The following FANCD2 variants were observed in gnomAD, a reference collection of about 807,000 sequenced individuals.
The protein encoded by FANCD2 is FA complementation group D2.
Under a neutral mutation model 192.3 loss-of-function variants are expected in FANCD2, and 131 were observed. That is an observed-to-expected ratio of 0.68 (90% CI 0.59 to 0.79). FANCD2 has a LOEUF of 0.79. Ranked by LOEUF, FANCD2 falls within the 30% of genes least tolerant of loss-of-function variation. The pLI is 0.00. For missense variants in FANCD2, 1,508 were observed against 1,701.6 expected, an observed-to-expected ratio of 0.89 and a Z score of 2.00; for synonymous variants, 524 against 612.5, an observed-to-expected ratio of 0.86 and a Z score of 2.13.
intron 20 of FANCD2, 46 bp from the exon 21 acceptor site, chr3:10,063,746 A>C: frequency 6.2e-7 from 1 of 1,613,210 alleles, no homozygotes; most frequent in South Asian, 1.1e-5. Flanking sequence ...GAGTTTGGGA[A>C]AGATTGGCAG....
chr3:10,101,376 TC>T lies in FANCD2; in HGVS notation c.*115del, dbSNP rs373593572. On this transcript the variant is annotated 3_prime_UTR_variant, in exon 44 of 44. Transcript: ENST00000675286. Reference sequence around the variant, plus strand: ...TACTGGTAGGATCCTTTTTTGTTCCTCTTTTTTTTTTTTTTTTTTTTTTTTT... The same window carrying T: ...TACTGGTAGGATCCTTTTTTGTTCCTTTTTTTTTTTTTTTTTTTTTTTTTT... 4.1e-5 allele frequency: 21 copies of T among 514,616 alleles called. No individual in the cohort carries two copies. Among genetic ancestry groups the T allele is most frequent in the East Asian group, 6.9e-5 (2 of 29,118 alleles). 31.9% of individuals were successfully genotyped at this position (514,616 alleles called of 1,614,324 possible). A position where few individuals can be genotyped will look rare whatever the true frequency, so the allele number is the denominator to read the frequency against.
Position 10,026,482 on chromosome 3 carries a change from G to A in FANCD2, c.-34+9G>A. 4.0e-6 allele frequency: 2 copies of A among 494,400 alleles called. No individual in the cohort carries two copies. Among genetic ancestry groups the A allele is most frequent in the South Asian group, 1.6e-4 (2 of 12,270 alleles). 30.6% of individuals were successfully genotyped at this position (494,400 alleles called of 1,614,324 possible). A position where few individuals can be genotyped will look rare whatever the true frequency, so the allele number is the denominator to read the frequency against. Reference sequence around the variant, plus strand: ...GCGGCGACGGCTTCTCGGTGAGTAAGTGGAGCAATGGTCGTAGTCTCTCGA... The same window carrying A: ...GCGGCGACGGCTTCTCGGTGAGTAAATGGAGCAATGGTCGTAGTCTCTCGA... On this transcript the variant is annotated intron_variant, in intron 1 of 43. Coordinates refer to ENST00000675286, the MANE Select transcript of FANCD2 (RefSeq NM_001018115.3).
At chr3:10,026,867 A>G (rs965115650) in intron 1 of FANCD2, among the ~76,000 whole-genome samples, 3 of 152,234 alleles carry the variant, frequency 2.0e-5, no homozygotes, top group South Asian at 2.1e-4. Context: ...GGCGATAAAT[A>G]AAAAGTTTAG....
chr3:10,090,254 A>T, intron 36 of FANCD2, 38 bp from the exon 37 acceptor site: 1 of 1,473,388 alleles, frequency 6.8e-7, no homozygotes, highest in Non-Finnish European at 9.5e-7. Flanking sequence ...TAAGCAGTGC[A>T]TCATGGTGTG....
At position 10,030,633 on chromosome 3, in the gene FANCD2, C is replaced by T. The variant is rs138183965; in HGVS notation, c.64+1912C>T. Among the ~76,000 whole-genome samples the T allele has an allele frequency of 4.6e-5, 7 of 152,306 alleles. No homozygotes were observed. The East Asian group carries it at 1.3e-3, about 29-fold the overall frequency. ...GGAAACTGTGGGCCGGGCACAGTGG[C>T]TCACACCTGTAATCCCAGCACTTTG... is the stretch of plus-strand genomic sequence containing the variant. On this transcript the variant is annotated intron_variant, in intron 2 of 43. Transcript: ENST00000675286.
chr3:10,090,562 A>G (rs1032323912), intron 37 of FANCD2, among the ~76,000 whole-genome samples, 177 bp downstream of exon 37: 3 of 147,798 alleles, frequency 2.0e-5, no homozygotes, highest in African/African-American at 7.5e-5. Context: ...GGGTTCAAGC[A>G]ATTCTCCTGC....
In FANCD2 at chr3:10,065,905, T is replaced by C. The variant is rs1045809342; in HGVS notation, c.2311T>C (p.Leu771=). 1.2e-6 allele frequency: 2 copies of C among 1,613,684 alleles called. No individual in the cohort carries two copies. Among genetic ancestry groups the C allele is most frequent in the South Asian group, 1.1e-5 (1 of 91,078 alleles). Residue 771 remains leucine, a synonymous_variant, in exon 25 of 44, where the codon TTG becomes CTG. Coordinates refer to ENST00000675286, the MANE Select transcript of FANCD2 (RefSeq NM_001018115.3). ...FLTDLEPGEK[L]ESMSAKERSF... ...AACTGACCTGGAGCCTGGAGAGAAG[T>C]TGGAGTCCATGTCTGCTAAAGAGCG...
chr3:10,071,266 A>G lies in FANCD2; in HGVS notation c.2495-1605A>G, dbSNP rs543211649. Among the ~76,000 whole-genome samples the G allele has an allele frequency of 2.4e-4, 37 of 152,362 alleles. 1 individual carries two copies. The South Asian group carries it at 7.0e-3, about 29-fold the overall frequency. ...GGGAATGTCAATTAGTACAAGCACT[A>G]TGGAGAACAGTTTGGAGTTTCCTCA... is the stretch of plus-strand genomic sequence containing the variant. On this transcript the variant is annotated intron_variant, in intron 26 of 43. Transcript: ENST00000675286.
intron 18 of FANCD2, among the ~76,000 whole-genome samples, chr3:10,053,225 G>T (rs1370134588): frequency 1.3e-5 from 2 of 150,922 alleles, no homozygotes; most frequent in African/African-American, 2.4e-5. Context: ...CATGTCCTTT[G>T]TAGGGACATG....
Position 10,078,556 on chromosome 3 carries a change from G to A in FANCD2, c.2976+359G>A, listed in dbSNP as rs1213654945. On this transcript the variant is annotated intron_variant, in intron 30 of 43. Coordinates refer to ENST00000675286, the MANE Select transcript of FANCD2 (RefSeq NM_001018115.3). ...TTTTTTGTAGAGACGGGGTTTCACCGTGTTAGCCAGGATGGTCTCAATCTC... is the reference window on the plus strand; with the variant it reads ...TTTTTTGTAGAGACGGGGTTTCACCATGTTAGCCAGGATGGTCTCAATCTC... 2.1e-4 allele frequency among the ~76,000 whole-genome samples: 31 copies of A among 151,132 alleles called. 1 individual carries two copies. The highest frequency in any genetic ancestry group is 1.7e-3 in the South Asian group (8 of 4,698).
chr3:10,060,442 G>C lies in FANCD2; in HGVS notation c.1766+39G>C, dbSNP rs568493521. Reference sequence around the variant, plus strand: ...TTCTGACTTCTGTGGTTTAAGATCAGTTAATCTTGCTAACTAAGTGTTACA... The same window carrying C: ...TTCTGACTTCTGTGGTTTAAGATCACTTAATCTTGCTAACTAAGTGTTACA... On this transcript the variant is annotated intron_variant, in intron 19 of 43. Transcript: ENST00000675286. 2.0e-6 allele frequency: 3 copies of C among 1,466,516 alleles called. No homozygotes were observed. In the South Asian group the frequency reaches 3.4e-5, roughly 17 times the overall value. The allele number at this position is 1,466,516 out of a possible 1,614,324, so 90.8% of individuals were successfully genotyped here.
intron 32 of FANCD2, among the ~76,000 whole-genome samples, 175 bp from the exon 33 acceptor site, chr3:10,085,637 G>A (rs549109808): frequency 3.9e-5 from 6 of 151,990 alleles, no homozygotes; most frequent in East Asian, 3.9e-4. Flanking sequence ...TTATTCGCCC[G>A]CCTCAGCCTC....
At chr3:10,037,880 A>G (rs1448926460) in intron 7 of FANCD2, among the ~76,000 whole-genome samples, 1 of 152,224 alleles carries the variant, frequency 6.6e-6, no homozygotes, top group Non-Finnish European at 1.5e-5. Flanking sequence ...GAAGATACAC[A>G]CATACACATA....
intron 29 of FANCD2, among the ~76,000 whole-genome samples, chr3:10,075,626 T>C (rs761774965): frequency 1.3e-5 from 2 of 151,962 alleles, no homozygotes; most frequent in Non-Finnish European, 2.9e-5. Context: ...TGGGATTTCA[T>C]CAGAGAGTAG....
intron 18 of FANCD2, among the ~76,000 whole-genome samples, chr3:10,057,371 C>T (rs1282685482): frequency 7.8e-5 from 11 of 141,906 alleles, no homozygotes; most frequent in Admixed American, 7.0e-4. Flanking sequence ...TTCTTTCTTT[C>T]TTTTTTTTTT....
chr3:10,042,957 A>T, intron 11 of FANCD2, 93 bp from the exon 12 acceptor site: 1 of 1,141,606 alleles, frequency 8.8e-7, no homozygotes, highest in Admixed American at 1.8e-5. Flanking sequence ...TTTCTTCCTC[A>T]GTCTTTCAGG....
At chr3:10,067,928 A>G (rs1289578518) in intron 26 of FANCD2, among the ~76,000 whole-genome samples, 2 of 152,230 alleles carry the variant, frequency 1.3e-5, no homozygotes, top group African/African-American at 2.4e-5. Context: ...CAAAAACCAC[A>G]TGATATTTAA....
At chr3:10,048,849 T>C (rs1189134503) in intron 16 of FANCD2, among the ~76,000 whole-genome samples, 2 of 152,274 alleles carry the variant, frequency 1.3e-5, no homozygotes, top group African/African-American at 4.8e-5. Flanking sequence ...AAAATGTAAT[T>C]CTGTTATGAC....
chr3:10,038,579 C>CTTT (rs573306335), intron 7 of FANCD2, among the ~76,000 whole-genome samples: 7 of 128,950 alleles, frequency 5.4e-5, no homozygotes, highest in Non-Finnish European at 8.1e-5. Context: ...TATATGCTTG[C>CTTT]TTTTTTTTTT....
Sources: gnomAD v4.1 joint callset for allele counts (sites outside exome capture counted in the v4.1 genomes callset) on GRCh38, gnomAD v4.1.1 for gene constraint, MANE v1.5 for transcripts, NCBI Gene and HGNC (gene_info 2026-07-23, HGNC 2026-07-21) for gene names.